Variants in FHOD3 observed in about 807,000 individuals in gnomAD.
The protein encoded by FHOD3 is FH1/FH2 domain-containing protein 3.
In FHOD3, 90 loss-of-function variants were observed where a neutral mutation model predicts 173.0. The ratio of observed to expected loss-of-function variants is 0.52; its 90% CI spans 0.44 to 0.62. The LOEUF (loss-of-function observed/expected upper bound fraction) is 0.62. FHOD3 is among the 20% of genes least tolerant of loss of function. The pLI is 0.00. For missense variants in FHOD3, 1,945 were observed against 2,034.7 expected (o/e 0.96, Z 0.85); for synonymous variants, 828 against 823.0 (o/e 1.01, Z -0.10).
intron 2 of FHOD3, among the ~76,000 whole-genome samples, chr18:36,368,448 TG>T (rs999880489): frequency 1.7e-4 from 26 of 152,190 alleles, no homozygotes; most frequent in South Asian, 4.2e-4. Context: ...AGCACACATC[TG>T]GGGGGCAGCT....
At position 36,718,223 on chromosome 18, in the gene FHOD3, G is replaced by A. The variant is rs1481056670; in HGVS notation, c.2925G>A (p.Glu975=). The change falls in exon 19 of 29, where the codon GAG becomes GAA. Residue 975 remains glutamate (E), a synonymous_variant. Coordinates refer to ENST00000590592, the MANE Select transcript of FHOD3 (RefSeq NM_001281740.3). ...PETAPVQPKT[E]SDYIWDQLMA... ...CAGCGCCGGTGCAGCCGAAGACAGA[G>A]TCTGATTACATCTGGGACCAGCTCA... The A allele has an allele frequency of 6.2e-7, 1 of 1,614,154 alleles. No homozygotes were observed. The highest frequency in any genetic ancestry group is 1.7e-5 in the Admixed American group (1 of 60,020).
rs568617474 is a variant in FHOD3 at position 36,331,662 on chromosome 18, G to A, written c.166-23877G>A. On this transcript the variant is annotated intron_variant, in intron 1 of 28. Coordinates refer to ENST00000590592, the MANE Select transcript of FHOD3 (RefSeq NM_001281740.3). ...TGGAAGGGGTTCAGTTCTTGTTGGAGAAGGTGTGGTTGGGTGAGGATGGCA... is the reference window on the plus strand; with the variant it reads ...TGGAAGGGGTTCAGTTCTTGTTGGAAAAGGTGTGGTTGGGTGAGGATGGCA... Among the ~76,000 whole-genome samples, 15 of 152,334 alleles carry A rather than the reference G, an allele frequency of 9.8e-5. No individual in the cohort carries two copies. The South Asian group carries it at 3.1e-3, about 32-fold the overall frequency.
intron 5 of FHOD3, among the ~76,000 whole-genome samples, chr18:36,514,640 C>T (rs559978238): frequency 1.2e-3 from 177 of 152,174 alleles, no homozygotes; most frequent in Non-Finnish European, 2.0e-3. Flanking sequence ...ATAAGTTATC[C>T]CCAACACACA....
intron 6 of FHOD3, among the ~76,000 whole-genome samples, chr18:36,592,802 G>A (rs506712): frequency 6.6e-6 from 1 of 152,134 alleles, no homozygotes; most frequent in Non-Finnish European, 1.5e-5. Context: ...GTGGAAGGGG[G>A]TAAGCATGAA....
intron 3 of FHOD3, among the ~76,000 whole-genome samples, chr18:36,430,286 G>T (rs1295822932): frequency 6.6e-6 from 1 of 152,162 alleles, no homozygotes; most frequent in East Asian, 1.9e-4. Flanking sequence ...GCACGATCTT[G>T]GCTCACCAGA....
chr18:36,442,502 CA>C (rs1387563267), intron 3 of FHOD3, among the ~76,000 whole-genome samples: 3 of 152,084 alleles, frequency 2.0e-5, no homozygotes, highest in African/African-American at 7.2e-5. Context: ...ATCTATGTTT[CA>C]TTATATTGTT....
At chr18:36,715,930 G>C (rs1051633179) in intron 18 of FHOD3, among the ~76,000 whole-genome samples, 1 of 152,208 alleles carries the variant, frequency 6.6e-6, no homozygotes, top group Non-Finnish European at 1.5e-5. Context: ...GATCATACTT[G>C]GTGAGTTCTA....
intron 2 of FHOD3, among the ~76,000 whole-genome samples, chr18:36,370,770 G>C (rs568410027): frequency 1.5e-4 from 23 of 152,290 alleles, no homozygotes; most frequent in African/African-American, 5.3e-4. Flanking sequence ...CTTGAGATTG[G>C]AAGACTAGGA....
chr18:36,702,063 G>T (rs537490277), intron 17 of FHOD3, among the ~76,000 whole-genome samples: 1 of 152,344 alleles, frequency 6.6e-6, no homozygotes, highest in African/African-American at 2.4e-5. Flanking sequence ...GGCTTGAGTA[G>T]AATTTCTTTT....
At chr18:36,303,479 CTCG>C (rs2092009053) in intron 1 of FHOD3, among the ~76,000 whole-genome samples, 1 of 152,128 alleles carries the variant, frequency 6.6e-6, no homozygotes, top group Non-Finnish European at 1.5e-5. Context: ...GCGTTTTGTC[CTCG>C]GACTCCAACC....
chr18:36,490,081 C>T (rs141557382), intron 3 of FHOD3, among the ~76,000 whole-genome samples: 1 of 152,214 alleles, frequency 6.6e-6, no homozygotes, highest in East Asian at 1.9e-4. Flanking sequence ...GCTGCCTCCT[C>T]CGGGCACCTG....
chr18:36,748,382 A>AACACACAC (rs532609709), intron 24 of FHOD3, among the ~76,000 whole-genome samples: 2,961 of 143,522 alleles, frequency 0.021, 117 homozygotes, highest in African/African-American at 0.07. Flanking sequence ...ACACACACAC[A>AACACACAC]ACACACACAC....
intron 20 of FHOD3, among the ~76,000 whole-genome samples, chr18:36,734,838 G>A (rs1190396444): frequency 2.0e-5 from 3 of 152,134 alleles, no homozygotes; most frequent in South Asian, 2.1e-4. Flanking sequence ...TAACGGGGTC[G>A]TTTGAAAGCT....
chr18:36,694,646 C>T (rs2039156133), intron 17 of FHOD3, among the ~76,000 whole-genome samples: 1 of 152,186 alleles, frequency 6.6e-6, no homozygotes, highest in South Asian at 2.1e-4. Context: ...TATCCTCCTG[C>T]AGAGTTGTGG....
At chr18:36,558,999 A>G (rs564778007) in intron 5 of FHOD3, among the ~76,000 whole-genome samples, 68 of 152,022 alleles carry the variant, frequency 4.5e-4, no homozygotes, top group Admixed American at 2.9e-3. Flanking sequence ...AAGCTATTCT[A>G]TTGTCACCAG....
chr18:36,369,102 T>C (rs1187433300), intron 2 of FHOD3, among the ~76,000 whole-genome samples: 1 of 152,190 alleles, frequency 6.6e-6, no homozygotes, highest in East Asian at 1.9e-4. Flanking sequence ...ACTGACATAG[T>C]GTCCCATAGT....
intron 1 of FHOD3, among the ~76,000 whole-genome samples, chr18:36,314,407 A>G (rs1357177988): frequency 6.6e-6 from 1 of 152,246 alleles, no homozygotes; most frequent in African/African-American, 2.4e-5. Flanking sequence ...AAGTGGCACT[A>G]GAGAAATTAG....
intron 1 of FHOD3, among the ~76,000 whole-genome samples, chr18:36,335,864 G>C (rs1029160910): frequency 2.0e-5 from 3 of 152,206 alleles, no homozygotes; most frequent in African/African-American, 7.2e-5. Flanking sequence ...ACTAAAGCCT[G>C]AATGGTTCCT....
rs377763623 is a variant in FHOD3, at chr18:36,421,836, T to C, written c.337+49092T>C. Among the ~76,000 whole-genome samples the C allele has an allele frequency of 2.0e-4, 31 of 152,152 alleles. 1 individual carries two copies. In the Middle Eastern group the frequency reaches 0.02, roughly 100 times the overall value. ...AGCCCCTGTGTGGATAGGCAGTCTA[T>C]AGTGTGGGGGAGTGGGTACCTGAAG... On this transcript the variant is annotated intron_variant, in intron 3 of 28. Coordinates refer to ENST00000590592, the MANE Select transcript of FHOD3 (RefSeq NM_001281740.3).
Sources: allele counts gnomAD v4.1 joint callset (sites outside exome capture counted in the v4.1 genomes callset), GRCh38; gene constraint gnomAD v4.1.1; transcripts MANE v1.5; gene names NCBI Gene and HGNC (gene_info 2026-07-23, HGNC 2026-07-21).